PTPRO: variants seen among roughly 807,000 people sequenced by gnomAD.
PTPRO encodes the protein protein tyrosine phosphatase receptor type O.
PTPRO carries 62 observed loss-of-function variants against 145.2 expected under a neutral mutation model. The observed-to-expected ratio is 0.43, with a 90% CI of 0.35 to 0.53. PTPRO has a LOEUF of 0.53. PTPRO is among the 20% of genes least tolerant of loss of function. The pLI is 0.01. For synonymous variants in PTPRO, 565 were observed against 514.7 expected (o/e 1.10, Z -1.32); for missense variants, 1,345 against 1,482.7 (o/e 0.91, Z 1.53).
chr12:15,389,102 G>T (rs372315468), intron 1 of PTPRO, among the ~76,000 whole-genome samples: 1 of 140,290 alleles, frequency 7.1e-6, no homozygotes, highest in Non-Finnish European at 1.5e-5. Context: ...AATAAATAAA[G>T]AATTTTTTTT....
At chr12:15,542,045 G>A (rs541479623) in intron 12 of PTPRO, among the ~76,000 whole-genome samples, 1 of 152,112 alleles carries the variant, frequency 6.6e-6, no homozygotes, top group Non-Finnish European at 1.5e-5. Context: ...AGGTACTAAG[G>A]GTTAGGGTTT....
At chr12:15,379,957 T>C (rs55754731) in intron 1 of PTPRO, among the ~76,000 whole-genome samples, 18,726 of 152,224 alleles carry the variant, frequency 0.12, 1,513 homozygotes, top group Middle Eastern at 0.19. Flanking sequence ...GTGGATTATA[T>C]CTTAAAACAA....
Position 15,586,933 on chromosome 12 carries a change from A to G in PTPRO, c.3292A>G (p.Thr1098Ala), listed in dbSNP as rs776323795. 8.1e-6 allele frequency: 13 copies of G among 1,613,918 alleles called. No individual in the cohort carries two copies. In the Admixed American group the frequency reaches 1.3e-4, roughly 17 times the overall value. ...EMQDVMHFNY[T>A]AWPDHGVPTA... is the part of the protein sequence containing the mutation. ...GCAGGATGTGATGCATTTTAACTAC[A>G]CTGCATGGCCTGATCATGGTGTGCC... The change falls in exon 24 of 27, where the codon ACT becomes GCT. Residue 1098 changes from threonine to alanine, a missense_variant. Transcript: ENST00000281171.
intron 1 of PTPRO, chr12:15,440,325 A>T (rs1940727692): frequency 4.1e-6 from 2 of 484,642 alleles, no homozygotes; most frequent in Non-Finnish European, 7.4e-6. Flanking sequence ...CCCTATCAGG[A>T]ATTCACTGAG....
intron 1 of PTPRO, among the ~76,000 whole-genome samples, chr12:15,475,908 T>G (rs1033710165): frequency 2.0e-5 from 3 of 152,222 alleles, no homozygotes; most frequent in African/African-American, 4.8e-5. Flanking sequence ...CTCTTTCTTT[T>G]CCTCGTACCC....
chr12:15,581,648 G>T, intron 22 of PTPRO, 31 bp from the exon 23 acceptor site: 1 of 1,611,620 alleles, frequency 6.2e-7, no homozygotes, highest in South Asian at 1.1e-5. Context: ...TAGCCTGTTT[G>T]TTTTAAAAAA....
intron 1 of PTPRO, among the ~76,000 whole-genome samples, chr12:15,403,678 G>A (rs1369478491): frequency 4.6e-5 from 7 of 152,136 alleles, no homozygotes; most frequent in Non-Finnish European, 1.5e-5. Context: ...TATTTAAAGG[G>A]AAGTCCATTT....
chr12:15,546,849 T>C, intron 13 of PTPRO, 141 bp downstream of exon 13: 2 of 1,266,402 alleles, frequency 1.6e-6, no homozygotes, highest in Non-Finnish European at 2.2e-6. Context: ...TGATAGAAAT[T>C]AACAGCAGGC....
rs76839111 is a variant in PTPRO, at chr12:15,580,338, G to A, written c.2997+223G>A. 6.3e-3 allele frequency among the ~76,000 whole-genome samples: 960 copies of A among 152,342 alleles called. 3 individuals are homozygous for A. The highest frequency in any genetic ancestry group is 0.044 in the Middle Eastern group (13 of 294). ...TTATAAAGGTCCAGTGAAAGGGAAA[G>A]TAGAAAGGTTAAAGATCACCTCTCT... On this transcript the variant is annotated intron_variant, in intron 21 of 26. Coordinates refer to ENST00000281171, the MANE Select transcript of PTPRO (RefSeq NM_030667.3).
chr12:15,499,297 T>C, intron 3 of PTPRO, 145 bp from the exon 4 acceptor site: 1 of 818,074 alleles, frequency 1.2e-6, no homozygotes, highest in Non-Finnish European at 2.0e-6. Context: ...TCTCTAGCCT[T>C]CTACTAACTC....
intron 1 of PTPRO, among the ~76,000 whole-genome samples, chr12:15,382,694 T>A (rs955063086): frequency 1.3e-5 from 2 of 152,254 alleles, no homozygotes; most frequent in Non-Finnish European, 2.9e-5. Context: ...AATGTATTCT[T>A]GTTCTGTTTG....
chr12:15,438,640 A>G (rs1328057392), intron 1 of PTPRO, among the ~76,000 whole-genome samples: 1 of 152,006 alleles, frequency 6.6e-6, no homozygotes, highest in African/African-American at 2.4e-5. Context: ...TTTTGAACTA[A>G]CCCAATATGG....
At chr12:15,449,837 T>C (rs1429224987) in intron 1 of PTPRO, among the ~76,000 whole-genome samples, 2 of 152,192 alleles carry the variant, frequency 1.3e-5, no homozygotes, top group Admixed American at 1.3e-4. Context: ...TTGCTACTCT[T>C]CTGTAAGTCT....
intron 1 of PTPRO, among the ~76,000 whole-genome samples, chr12:15,426,987 A>G (rs1444480436): frequency 2.0e-5 from 3 of 152,004 alleles, no homozygotes; most frequent in Non-Finnish European, 4.4e-5. Flanking sequence ...TCAGACCAAT[A>G]TTTTTCAATT....
intron 1 of PTPRO, among the ~76,000 whole-genome samples, chr12:15,386,279 ATGT>A (rs545333218): frequency 1.6e-3 from 238 of 152,328 alleles, no homozygotes; most frequent in Middle Eastern, 3.4e-3. Context: ...AAATGAATAG[ATGT>A]TGTATTTAAA....
chr12:15,400,838 A>G (rs745473044), intron 1 of PTPRO, among the ~76,000 whole-genome samples: 2 of 152,234 alleles, frequency 1.3e-5, no homozygotes, highest in African/African-American at 2.4e-5. Flanking sequence ...TCACTAAAAT[A>G]TAAGTTACAT....
intron 1 of PTPRO, among the ~76,000 whole-genome samples, chr12:15,344,336 A>G (rs1168772325): frequency 6.6e-6 from 1 of 152,230 alleles, no homozygotes; most frequent in African/African-American, 2.4e-5. Flanking sequence ...AAATATGGCC[A>G]TGACTTTTCA....
At chr12:15,489,626 C>G (rs1436263127) in intron 2 of PTPRO, among the ~76,000 whole-genome samples, 5 of 152,132 alleles carry the variant, frequency 3.3e-5, no homozygotes, top group African/African-American at 1.2e-4. Context: ...AACCAGAGGT[C>G]AGTCTCATAG....
At chr12:15,431,025 A>T (rs1466683978) in intron 1 of PTPRO, among the ~76,000 whole-genome samples, 1 of 150,762 alleles carries the variant, frequency 6.6e-6, no homozygotes. Context: ...TGACCTCAAT[A>T]AAAAAATGTG....
Sources: gnomAD v4.1 joint callset for allele counts (sites outside exome capture counted in the v4.1 genomes callset) on GRCh38, gnomAD v4.1.1 for gene constraint, MANE v1.5 for transcripts, NCBI Gene and HGNC (gene_info 2026-07-23, HGNC 2026-07-21) for gene names.